Variants in SYNE1 observed in about 807,000 individuals in gnomAD.
The protein encoded by SYNE1 is nesprin-1.
SYNE1 carries 616 observed loss-of-function variants against 1,111.0 expected under a neutral mutation model. The observed-to-expected ratio is 0.55, with a 90% confidence interval of 0.52 to 0.59. The LOEUF (loss-of-function observed/expected upper bound fraction) is 0.59, where lower values mean the gene tolerates loss of function less well. SYNE1 is among the 20% of genes least tolerant of loss of function. SYNE1 has a pLI of 0.00. For missense variants in SYNE1, 10,006 were observed against 10,417.0 expected, an observed-to-expected ratio of 0.96 and a Z score of 1.72; for synonymous variants, 3,855 against 3,825.8, an observed-to-expected ratio of 1.01 and a Z score of -0.28.
Position 152,325,275 on chromosome 6 carries a change from G to A in SYNE1, c.15466C>T (p.His5156Tyr). The stretch of plus-strand genomic sequence containing the variant: ...TCCTCAAGGGCCACAATTTTCTCAT[G>A]GAAAGAGTTAACCACTGACACTAAA... ...KALVSVVNSFHEKIVALEEKA... is the reference protein window; with the variant it reads ...KALVSVVNSFYEKIVALEEKA... Residue 5156 changes from histidine (H) to tyrosine (Y), a missense_variant, in exon 81 of 146, where the codon CAT (histidine) becomes TAT (tyrosine). His to Tyr is a moderately conservative substitution (Grantham distance 83, BLOSUM62 2). This residue lies in a region of SYNE1 where 4,955 missense variants were observed against 5,017.2 expected (regional missense o/e 0.99). Transcript: ENST00000367255. 1.2e-6 allele frequency: 2 copies of A among 1,614,156 alleles called. No individual in the cohort carries two copies. The highest frequency in any genetic ancestry group is 1.7e-6 in the Non-Finnish European group (2 of 1,180,032).
In SYNE1 at chr6:152,636,697, C is replaced by T. The variant is rs2099706456; in HGVS notation, c.-283G>A. Reference sequence around the variant, plus strand: ...AAGGCGAAGCGAGCGAACGCTTCCTCCCGGCTCTCTGCGCCCAGGCTCGGC... The same window carrying T: ...AAGGCGAAGCGAGCGAACGCTTCCTTCCGGCTCTCTGCGCCCAGGCTCGGC... On this transcript the variant is annotated 5_prime_UTR_variant, in exon 2 of 146. Coordinates refer to ENST00000367255, the MANE Select transcript of SYNE1 (RefSeq NM_182961.4). The T allele has an allele frequency of 6.6e-6, 1 of 152,456 alleles. No homozygotes were observed. Among genetic ancestry groups the T allele is most frequent in the South Asian group, 2.1e-4 (1 of 4,838 alleles). 9.4% of individuals were successfully genotyped at this position (152,456 alleles called of 1,614,324 possible).
At chr6:152,603,599 G>C (rs570490856) in intron 3 of SYNE1, among the ~76,000 whole-genome samples, 1 of 151,802 alleles carries the variant, frequency 6.6e-6, no homozygotes, top group Non-Finnish European at 1.5e-5. Flanking sequence ...TGAAGAAAAT[G>C]GTTGGAGACT....
chr6:152,342,016 C>G (rs1211673416), intron 74 of SYNE1, among the ~76,000 whole-genome samples: 1 of 152,094 alleles, frequency 6.6e-6, no homozygotes, highest in Non-Finnish European at 1.5e-5. Flanking sequence ...AATAAAAAAC[C>G]TTTCCTCCTC....
intron 16 of SYNE1, among the ~76,000 whole-genome samples, chr6:152,468,870 G>A (rs59175528): frequency 0.067 from 10,266 of 152,160 alleles, 1,153 homozygotes; most frequent in African/African-American, 0.23. Context: ...TGAACTCCAG[G>A]GCTCAAGCCA....
chr6:152,385,610 C>G, intron 55 of SYNE1, 64 bp downstream of exon 55: 18 of 1,576,798 alleles, frequency 1.1e-5, no homozygotes, highest in Non-Finnish European at 1.6e-5. Context: ...TCTACAAAAT[C>G]TTTATCAAAA....
chr6:152,210,845 T>TAATA (rs1213895335), intron 124 of SYNE1, among the ~76,000 whole-genome samples: 3 of 144,508 alleles, frequency 2.1e-5, no homozygotes, highest in African/African-American at 7.3e-5. Flanking sequence ...TCTCCATTTT[T>TAATA]AATAAAGAGA....
chr6:152,425,780 G>A (rs1001214880), intron 38 of SYNE1, among the ~76,000 whole-genome samples: 1 of 152,146 alleles, frequency 6.6e-6, no homozygotes, highest in Admixed American at 6.5e-5. Flanking sequence ...TCCATTAAAG[G>A]TTAAGTGGAT....
chr6:152,283,898 G>A (rs920977483), intron 96 of SYNE1, 80 bp downstream of exon 96: 26 of 1,178,104 alleles, frequency 2.2e-5, no homozygotes, highest in Admixed American at 8.6e-5. Context: ...ATGTAAATAC[G>A]TAAGTAACCC....
chr6:152,335,338 G>A (rs2096360249), intron 76 of SYNE1: 1 of 152,090 alleles, frequency 6.6e-6, no homozygotes, highest in Non-Finnish European at 1.5e-5. Context: ...TATTGGCATT[G>A]TTTATTATCT....
intron 130 of SYNE1, among the ~76,000 whole-genome samples, chr6:152,174,933 C>A (rs183682227): frequency 1.4e-4 from 21 of 152,370 alleles, no homozygotes; most frequent in African/African-American, 4.3e-4. Flanking sequence ...GTGGCTCACA[C>A]CTGTAACCCC....
intron 100 of SYNE1, among the ~76,000 whole-genome samples, chr6:152,266,101 A>G (rs2092674322): frequency 6.6e-6 from 1 of 152,188 alleles, no homozygotes; most frequent in Non-Finnish European, 1.5e-5. Flanking sequence ...AATTTGTGTA[A>G]AAGTTAAAGA....
At chr6:152,300,011 T>C (rs2095088741) in intron 93 of SYNE1, among the ~76,000 whole-genome samples, 1 of 152,226 alleles carries the variant, frequency 6.6e-6, no homozygotes, top group South Asian at 2.1e-4. Context: ...TTTAATTTAG[T>C]ATTATCTACA....
In SYNE1 at chr6:152,409,243, T is replaced by C. The variant is rs201811565; in HGVS notation, c.6382-17A>G. 6 of 1,611,684 alleles carry C rather than the reference T, an allele frequency of 3.7e-6. No individual in the cohort carries two copies. In the East Asian group the frequency reaches 1.3e-4, roughly 36 times the overall value. On this transcript the variant is annotated splice_polypyrimidine_tract_variant and intron_variant, in intron 43 of 145. Coordinates refer to ENST00000367255, the MANE Select transcript of SYNE1 (RefSeq NM_182961.4). ...AGTTTCATGCTGTGGATAAATGATT[T>C]CTTAATTAATAAAATAGTCAGTGAT...
chr6:152,223,948 C>T (rs1262136814), intron 117 of SYNE1, among the ~76,000 whole-genome samples: 1 of 152,140 alleles, frequency 6.6e-6, no homozygotes, highest in Non-Finnish European at 1.5e-5. Flanking sequence ...TGAAGACAAA[C>T]ATCAGGGATA....
intron 3 of SYNE1, among the ~76,000 whole-genome samples, chr6:152,560,118 C>T (rs1163758928): frequency 3.9e-5 from 6 of 152,124 alleles, no homozygotes; most frequent in South Asian, 2.1e-4. Context: ...TGTGGGAGGC[C>T]GAGGTGGGCA....
chr6:152,307,531 C>T (rs1380488451), intron 91 of SYNE1, among the ~76,000 whole-genome samples: 1 of 152,124 alleles, frequency 6.6e-6, no homozygotes, highest in East Asian at 1.9e-4. Flanking sequence ...TATGAACCAG[C>T]CCCCAAGGGA....
chr6:152,433,796 T>C lies in SYNE1; in HGVS notation c.4460A>G (p.Lys1487Arg). 6.2e-7 allele frequency: 1 copy of C among 1,613,776 alleles called. No individual in the cohort carries two copies. Among genetic ancestry groups the C allele is most frequent in the Non-Finnish European group, 8.5e-7 (1 of 1,179,726 alleles). Residue 1487 changes from lysine to arginine, a missense_variant and splice_region_variant, in exon 34 of 146, where the codon AAG becomes AGG. This residue lies in a region of SYNE1 where 1,971 missense variants were observed against 2,084.1 expected (regional missense o/e 0.95). Coordinates refer to ENST00000367255, the MANE Select transcript of SYNE1 (RefSeq NM_182961.4). ...SAMDMQISQIKVTIQEIESKL... is the reference protein window; with the variant it reads ...SAMDMQISQIRVTIQEIESKL... ...AAATATAATGTGTGAGCAGGTCACCTTAATTTGGCTGATTTGCATGTCCAT... is the reference window on the plus strand; with the variant it reads ...AAATATAATGTGTGAGCAGGTCACCCTAATTTGGCTGATTTGCATGTCCAT...
At chr6:152,523,433 A>G (rs2099149834) in intron 5 of SYNE1, among the ~76,000 whole-genome samples, 1 of 152,148 alleles carries the variant, frequency 6.6e-6, no homozygotes, top group South Asian at 2.1e-4. Context: ...TTATACCAGT[A>G]TCATGCTGTG....
At chr6:152,548,803 T>C (rs1163138233) in intron 3 of SYNE1, among the ~76,000 whole-genome samples, 2 of 152,164 alleles carry the variant, frequency 1.3e-5, no homozygotes, top group African/African-American at 4.8e-5. Context: ...GTCCTTCCCA[T>C]CCAGGGGTAG....
Sources: allele counts gnomAD v4.1 joint callset (sites outside exome capture counted in the v4.1 genomes callset), GRCh38; gene constraint gnomAD v4.1.1; regional missense constraint gnomAD v4.1.1; transcripts MANE v1.5; gene names NCBI Gene and HGNC (gene_info 2026-07-23, HGNC 2026-07-21).